POGLUT3: variants seen among roughly 807,000 people sequenced by gnomAD.
POGLUT3 encodes the protein protein O-glucosyltransferase 3.
In POGLUT3, 48 loss-of-function variants were observed where a neutral mutation model predicts 54.3. The observed-to-expected ratio is 0.88, with a 90% CI of 0.70 to 1.12. The LOEUF is 1.12. POGLUT3 is among the 50% of genes most tolerant of loss of function. The probability of loss-of-function intolerance (pLI) is 0.00; values close to 1 mark genes in which losing one functional copy is unlikely to be tolerated. For synonymous variants in POGLUT3, 218 were observed against 237.4 expected (o/e 0.92, Z 0.75); for missense variants, 629 against 618.7 (o/e 1.02, Z -0.18).
chr11:108,478,766 G>A (rs950117127), intron 6 of POGLUT3, among the ~76,000 whole-genome samples: 1 of 152,114 alleles, frequency 6.6e-6, no homozygotes, highest in Non-Finnish European at 1.5e-5. Context: ...TAGAATCTTA[G>A]TATAAAGTCT....
intron 3 of POGLUT3, among the ~76,000 whole-genome samples, chr11:108,485,126 T>G (rs906270652): frequency 1.3e-5 from 2 of 152,062 alleles, no homozygotes; most frequent in Non-Finnish European, 2.9e-5. Flanking sequence ...TGTTTGTTTG[T>G]TTTTTAGTAT....
chr11:108,480,775 G>A (rs1043242167), intron 5 of POGLUT3, among the ~76,000 whole-genome samples: 1 of 151,850 alleles, frequency 6.6e-6, no homozygotes, highest in African/African-American at 2.4e-5. Flanking sequence ...AGCAGGCCTT[G>A]AACCCTAATC....
intron 3 of POGLUT3, among the ~76,000 whole-genome samples, chr11:108,483,476 T>C (rs149426391): frequency 8.3e-4 from 127 of 152,266 alleles, no homozygotes; most frequent in African/African-American, 2.8e-3. Context: ...TATTGGGATA[T>C]AATTATTTGT....
rs766925674 is a variant in POGLUT3, at chr11:108,479,433, C to T, written c.1161G>A (p.Leu387=). ...CCTGCTTTAAAACCAGACTGTCGCC[C>T]AGCATGAGATATGGATATCTGTAAG... ...VAAYRYPYLM[L]GDSLVLKQDS... Residue 387 remains leucine, a synonymous_variant, in exon 6 of 8, where the codon CTG becomes CTA. Coordinates refer to ENST00000323468, the MANE Select transcript of POGLUT3 (RefSeq NM_153705.5). The T allele has an allele frequency of 1.2e-6, 2 of 1,613,384 alleles. No homozygotes were observed. Among genetic ancestry groups the T allele is most frequent in the Admixed American group, 3.4e-5 (2 of 59,630 alleles).
chr11:108,482,154 A>G lies in POGLUT3; in HGVS notation c.753T>C (p.Asn251=), dbSNP rs774180763. Residue 251 remains asparagine, a synonymous_variant, in exon 4 of 8, where the codon AAT becomes AAC. Transcript: ENST00000323468. Reference sequence around the variant, plus strand: ...TGATAGGTATGGGGCTAGGGGTTCCATTGACTTTTCGATGCTCCAAGGGCC... The same window carrying G: ...TGATAGGTATGGGGCTAGGGGTTCCGTTGACTTTTCGATGCTCCAAGGGCC... ...GDWPLEHRKV[N]GTPSPIPIIS... is the part of the protein sequence containing the mutation. 2.5e-6 allele frequency: 4 copies of G among 1,614,058 alleles called. No individual in the cohort carries two copies. In the Admixed American group the frequency reaches 6.7e-5, roughly 27 times the overall value.
rs778485920 is a variant in POGLUT3 at position 108,474,960 on chromosome 11, G to A, written c.1399-8C>T. ...CTGGCGCTCGGCATATTTCTGAAAC[G>A]TGGGTTTAAAGGGAACTGAAAGGTT... On this transcript the variant is annotated splice_region_variant and splice_polypyrimidine_tract_variant and intron_variant, in intron 7 of 7. Coordinates refer to ENST00000323468, the MANE Select transcript of POGLUT3 (RefSeq NM_153705.5). 2.5e-6 allele frequency: 4 copies of A among 1,613,628 alleles called. No individual in the cohort carries two copies. The highest frequency in any genetic ancestry group is 2.2e-5 in the East Asian group (1 of 44,866).
intron 2 of POGLUT3, chr11:108,486,882 A>T (rs2093604446): frequency 6.3e-6 from 1 of 158,470 alleles, no homozygotes; most frequent in Non-Finnish European, 1.4e-5. Flanking sequence ...TAGTTCGGCC[A>T]CGAAGGGAAA....
chr11:108,482,125 G>T lies in POGLUT3; in HGVS notation c.782C>A (p.Ser261Ter). The change falls in exon 4 of 8, where the codon TCA (serine) becomes TAA (stop). Residue 261 changes from serine (S) to a stop codon, truncating the protein, a stop_gained. Coordinates refer to ENST00000323468, the MANE Select transcript of POGLUT3 (RefSeq NM_153705.5). LOFTEE classifies it high-confidence loss of function. ...NGTPSPIPII[S>*]WCGSLDSRDV... Reference sequence around the variant, plus strand: ...TCTTGAATCCAGAGAGCCACACCATGAAATGATAGGTATGGGGCTAGGGGT... The same window carrying T: ...TCTTGAATCCAGAGAGCCACACCATTAAATGATAGGTATGGGGCTAGGGGT... 6.2e-7 allele frequency: 1 copy of T among 1,613,970 alleles called. No individual in the cohort carries two copies. The highest frequency in any genetic ancestry group is 2.2e-5 in the East Asian group (1 of 44,884).
Position 108,474,510 on chromosome 11 carries a change from CT to C in POGLUT3, c.*316del, listed in dbSNP as rs200812998. 6.2e-3 allele frequency: 1,030 copies of C among 165,432 alleles called. 16 individuals carry two copies. The highest frequency in any genetic ancestry group is 0.023 in the African/African-American group (950 of 42,080). The allele number at this position is 165,432 out of a possible 1,614,324, so 10.2% of individuals were successfully genotyped here. A position where few individuals can be genotyped will look rare whatever the true frequency, so the allele number is the denominator to read the frequency against. ...TATTAAAAATATTATATAAAATTAC[CT>C]TCAGGGTATGTGAACAAGGTATATA... On this transcript the variant is annotated 3_prime_UTR_variant, in exon 8 of 8. Coordinates refer to ENST00000323468, the MANE Select transcript of POGLUT3 (RefSeq NM_153705.5).
At chr11:108,488,302 G>T (rs764138022) in intron 2 of POGLUT3, among the ~76,000 whole-genome samples, 1 of 152,226 alleles carries the variant, frequency 6.6e-6, no homozygotes, top group Non-Finnish European at 1.5e-5. Flanking sequence ...TGGGATTACA[G>T]GCGTGAGTCA....
Position 108,491,015 on chromosome 11 carries a change from G to A in POGLUT3, c.355C>T (p.Leu119Phe), listed in dbSNP as rs879240444. 4.3e-6 allele frequency: 7 copies of A among 1,614,006 alleles called. No individual in the cohort carries two copies. Among genetic ancestry groups the A allele is most frequent in the South Asian group, 1.1e-5 (1 of 91,076 alleles). The change falls in exon 2 of 8, where the codon CTT becomes TTT. Residue 119 changes from leucine (L) to phenylalanine (F), a missense_variant. By Grantham distance (22) the Leu-to-Phe change is conservative. Coordinates refer to ENST00000323468, the MANE Select transcript of POGLUT3 (RefSeq NM_153705.5). ...TGAGCCACATGTTCATCACCATAAA[G>A]GACCTCTATCTTCAGGCCTTCATCG... ...TVDEGLKIEV[L>F]YGDEHVAQSP...
At chr11:108,487,329 G>A (rs2093605442) in intron 2 of POGLUT3, among the ~76,000 whole-genome samples, 1 of 151,328 alleles carries the variant, frequency 6.6e-6, no homozygotes, top group South Asian at 2.1e-4. Context: ...GTTGTAGCCT[G>A]ATCACCTTGA....
At chr11:108,489,664 G>A (rs2093609611) in intron 2 of POGLUT3, among the ~76,000 whole-genome samples, 1 of 152,208 alleles carries the variant, frequency 6.6e-6, no homozygotes, top group Admixed American at 6.5e-5. Flanking sequence ...GCTCATGCCT[G>A]TAATCCCAGC....
intron 7 of POGLUT3, among the ~76,000 whole-genome samples, chr11:108,476,915 A>G (rs887627921): frequency 6.6e-6 from 1 of 152,180 alleles, no homozygotes; most frequent in Non-Finnish European, 1.5e-5. Context: ...AAGGGATGTT[A>G]ATGATCTCCA....
chr11:108,481,735 G>C (rs1360776137), intron 4 of POGLUT3, among the ~76,000 whole-genome samples: 1 of 151,894 alleles, frequency 6.6e-6, no homozygotes, highest in Non-Finnish European at 1.5e-5. Context: ...GCAAAAAAGA[G>C]ATTCAGTGAC....
At chr11:108,486,599 CT>C in intron 2 of POGLUT3, 159 bp from the exon 3 acceptor site, 1 of 702,908 alleles carries the variant, frequency 1.4e-6, no homozygotes, top group Non-Finnish European at 2.3e-6. Context: ...GAGTCCTACA[CT>C]TTTACTTTCC....
In POGLUT3 at chr11:108,473,647, G is replaced by C. The variant is rs1388642981; in HGVS notation, c.*1180C>G. 1 of 152,196 alleles carries C rather than the reference G, an allele frequency of 6.6e-6. No homozygotes were observed. The highest frequency in any genetic ancestry group is 1.5e-5 in the Non-Finnish European group (1 of 68,040). The allele number at this position is 152,196 out of a possible 1,614,324, so 9.4% of individuals were successfully genotyped here. ...AGCAGGCTTCCTGAAGATTGTTGTAGAGGTTTTCAGTGTTTTCAAGGATCC... is the reference window on the plus strand; with the variant it reads ...AGCAGGCTTCCTGAAGATTGTTGTACAGGTTTTCAGTGTTTTCAAGGATCC... On this transcript the variant is annotated 3_prime_UTR_variant, in exon 8 of 8. Coordinates refer to ENST00000323468, the MANE Select transcript of POGLUT3 (RefSeq NM_153705.5).
intron 1 of POGLUT3, among the ~76,000 whole-genome samples, chr11:108,492,150 G>C (rs987495024): frequency 1.3e-5 from 2 of 152,074 alleles, no homozygotes; most frequent in African/African-American, 4.8e-5. Flanking sequence ...TTCTGAGTCT[G>C]TTTCCTCAGC....
chr11:108,475,457 T>A (rs2093579381), intron 7 of POGLUT3, among the ~76,000 whole-genome samples: 1 of 125,738 alleles, frequency 8.0e-6, no homozygotes, highest in Non-Finnish European at 1.6e-5. Context: ...AAATGGAGTT[T>A]TTTTTGTTTT....
Sources: allele counts gnomAD v4.1 joint callset (sites outside exome capture counted in the v4.1 genomes callset), GRCh38; gene constraint gnomAD v4.1.1; transcripts MANE v1.5; gene names NCBI Gene and HGNC (gene_info 2026-07-23, HGNC 2026-07-21).